The following LRP1B variants were observed in gnomAD, a reference collection of about 807,000 sequenced individuals.
The protein encoded by LRP1B is LDL receptor related protein 1B.
Under a neutral mutation model 556.6 loss-of-function variants are expected in LRP1B, and 217 were observed. The observed-to-expected ratio is 0.39, with a 90% confidence interval of 0.35 to 0.44. The LOEUF (loss-of-function observed/expected upper bound fraction) is 0.44, where lower values mean the gene tolerates loss of function less well. Among genes scored for constraint, LRP1B ranks in the 20% least tolerant of loss-of-function variants. The probability of loss-of-function intolerance (pLI) is 1.00; values close to 1 mark genes in which losing one functional copy is unlikely to be tolerated. For missense variants in LRP1B, 5,053 were observed against 5,620.8 expected, an observed-to-expected ratio of 0.90 and a Z score of 3.23; for synonymous variants, 2,047 against 1,865.8, an observed-to-expected ratio of 1.10 and a Z score of -2.50.
chr2:141,975,382 A>G (rs1377135186), intron 1 of LRP1B, among the ~76,000 whole-genome samples: 1 of 152,042 alleles, frequency 6.6e-6, no homozygotes, highest in Non-Finnish European at 1.5e-5. Flanking sequence ...CTGTTGGTAA[A>G]TTAGCCTCCT....
intron 3 of LRP1B, among the ~76,000 whole-genome samples, chr2:141,438,087 T>G (rs2104997481): frequency 6.6e-6 from 1 of 152,304 alleles, no homozygotes; most frequent in East Asian, 1.9e-4. Flanking sequence ...TAGATATTTC[T>G]AAATTAACAT....
intron 7 of LRP1B, among the ~76,000 whole-genome samples, chr2:141,181,105 G>A (rs1680973070): frequency 6.6e-6 from 1 of 151,866 alleles, no homozygotes; most frequent in African/African-American, 2.4e-5. Flanking sequence ...ATTTAGGTGG[G>A]CATGTACTCC....
At chr2:140,394,105 G>A (rs540197649) in intron 66 of LRP1B, among the ~76,000 whole-genome samples, 23 of 149,672 alleles carry the variant, frequency 1.5e-4, no homozygotes, top group Middle Eastern at 7.1e-3. Context: ...TCTGTAGCCC[G>A]TAGGGTTTAC....
chr2:140,592,015 A>G (rs2105169007), intron 43 of LRP1B, among the ~76,000 whole-genome samples: 1 of 152,270 alleles, frequency 6.6e-6, no homozygotes. Context: ...ATTCATGATG[A>G]GTCTATGCAT....
chr2:140,541,008 C>T lies in LRP1B; in HGVS notation c.7478G>A (p.Gly2493Glu), dbSNP rs1373405011. The change falls in exon 45 of 91, where the codon GGG (glycine) becomes GAG (glutamate). Residue 2493 changes from glycine to glutamate, a missense_variant. Coordinates refer to ENST00000389484, the MANE Select transcript of LRP1B (RefSeq NM_018557.3). ...PNGRVNCSCRGDRILLEDNRC... is the reference protein window; with the variant it reads ...PNGRVNCSCREDRILLEDNRC... ...GTTGTCCTCTAGCAATATTCGGTCC[C>T]CTCTGCAGGAACAATTCACTCTCCC... 6.2e-7 allele frequency: 1 copy of T among 1,611,320 alleles called. No individual in the cohort carries two copies. Among genetic ancestry groups the T allele is most frequent in the Non-Finnish European group, 8.5e-7 (1 of 1,178,306 alleles).
intron 7 of LRP1B, among the ~76,000 whole-genome samples, chr2:141,183,080 G>T (rs1681075712): frequency 6.6e-6 from 1 of 151,908 alleles, no homozygotes; most frequent in African/African-American, 2.4e-5. Context: ...ATACATAGTG[G>T]TTGGGGGTGG....
chr2:141,045,033 A>G (rs1172855945), intron 11 of LRP1B, among the ~76,000 whole-genome samples: 1 of 151,696 alleles, frequency 6.6e-6, no homozygotes, highest in African/African-American at 2.4e-5. Context: ...ATGTCCAACA[A>G]TGATAGACTG....
At chr2:140,723,286 T>C (rs184854132) in intron 35 of LRP1B, among the ~76,000 whole-genome samples, 1 of 152,248 alleles carries the variant, frequency 6.6e-6, no homozygotes, top group East Asian at 1.9e-4. Context: ...CAACCACAAC[T>C]CTGTTAAAAA....
intron 18 of LRP1B, among the ~76,000 whole-genome samples, chr2:140,961,300 TA>T (rs926227929): frequency 7.2e-5 from 11 of 152,138 alleles, no homozygotes; most frequent in African/African-American, 2.2e-4. Context: ...TATCAAATTT[TA>T]AAATATATAC....
intron 1 of LRP1B, among the ~76,000 whole-genome samples, chr2:141,819,512 G>A (rs1410196859): frequency 1.3e-5 from 2 of 152,052 alleles, no homozygotes; most frequent in Non-Finnish European, 2.9e-5. Flanking sequence ...CTTAAACATC[G>A]CATGTTCTCA....
intron 1 of LRP1B, among the ~76,000 whole-genome samples, chr2:141,891,647 A>G (rs1220884684): frequency 6.6e-6 from 1 of 152,176 alleles, no homozygotes; most frequent in Non-Finnish European, 1.5e-5. Flanking sequence ...TGTATTATAA[A>G]GTATGATAAA....
In LRP1B at chr2:140,385,952, T is replaced by C. The variant is rs938640795; in HGVS notation, c.10472A>G (p.Asp3491Gly). The C allele has an allele frequency of 4.3e-6, 7 of 1,613,714 alleles. No homozygotes were observed. The highest frequency in any genetic ancestry group is 1.3e-5 in the African/African-American group (1 of 74,918). ...FQCKNNNCIP[D>G]HWRCDSQNDC... ...ATTTTGGCTATCACACCGCCAGTGA[T>C]CGGGAATACAGTTGTTGTTTTTACA... The change falls in exon 67 of 91, where the codon GAT (aspartate) becomes GGT (glycine). Residue 3491 changes from aspartate (D) to glycine (G), a missense_variant. Asp to Gly is a moderately conservative substitution (Grantham distance 94). Transcript: ENST00000389484.
Position 141,390,863 on chromosome 2 carries a change from A to G in LRP1B, c.343+89533T>C, listed in dbSNP as rs770860515. Among the ~76,000 whole-genome samples, 109 of 152,246 alleles carry G rather than the reference A, an allele frequency of 7.2e-4. 1 individual carries two copies. Among genetic ancestry groups the G allele is most frequent in the Non-Finnish European group, 1.4e-3 (93 of 68,038 alleles). On this transcript the variant is annotated intron_variant, in intron 3 of 90. Transcript: ENST00000389484. ...GGTGGTTGCACAACATTGCTAATGT[A>G]CTAATTGCCATTGAATGGATCAGTT... is the stretch of plus-strand genomic sequence containing the variant.
intron 41 of LRP1B, among the ~76,000 whole-genome samples, chr2:140,601,872 CAAATA>C (rs1682686479): frequency 6.6e-6 from 1 of 152,026 alleles, no homozygotes; most frequent in Non-Finnish European, 1.5e-5. Context: ...AATCTTCTCA[CAAATA>C]AAATAAAATT....
chr2:141,690,851 G>A (rs1385716982), intron 2 of LRP1B, among the ~76,000 whole-genome samples: 1 of 151,854 alleles, frequency 6.6e-6, no homozygotes, highest in Non-Finnish European at 1.5e-5. Context: ...AAGGAATGGT[G>A]TATGCTTTAT....
chr2:141,999,958 C>A (rs1254129690), intron 1 of LRP1B, among the ~76,000 whole-genome samples: 3 of 150,186 alleles, frequency 2.0e-5, no homozygotes, highest in East Asian at 1.9e-4. Context: ...TAAAAGTTTG[C>A]AAATTTTATA....
chr2:140,311,916 CAT>C (rs1380625484), intron 83 of LRP1B, among the ~76,000 whole-genome samples: 2 of 151,842 alleles, frequency 1.3e-5, no homozygotes, highest in African/African-American at 4.8e-5. Flanking sequence ...TCCTTTACTA[CAT>C]ATGTTTTGTC....
rs752652974 is a variant in LRP1B at position 140,457,666 on chromosome 2, G to T, written c.9626-15C>A. 9 of 1,599,646 alleles carry T rather than the reference G, an allele frequency of 5.6e-6. No individual in the cohort carries two copies. The highest frequency in any genetic ancestry group is 6.9e-6 in the Non-Finnish European group (8 of 1,167,580). On this transcript the variant is annotated splice_polypyrimidine_tract_variant and intron_variant, in intron 60 of 90. Coordinates refer to ENST00000389484, the MANE Select transcript of LRP1B (RefSeq NM_018557.3). ...TTGATTAGGGACTGTAATAGGAGAT[G>T]GTAAGATTAATGTTCAGTCTTGGAA... is the stretch of plus-strand genomic sequence containing the variant.
At chr2:140,575,682 C>T (rs1294955485) in intron 43 of LRP1B, among the ~76,000 whole-genome samples, 3 of 151,866 alleles carry the variant, frequency 2.0e-5, no homozygotes, top group Admixed American at 6.6e-5. Context: ...CCAGCACTTT[C>T]GGAGGCTGAA....
Sources: gnomAD v4.1 joint callset for allele counts (sites outside exome capture counted in the v4.1 genomes callset) on GRCh38, gnomAD v4.1.1 for gene constraint, MANE v1.5 for transcripts, NCBI Gene and HGNC (gene_info 2026-07-23, HGNC 2026-07-21) for gene names.